Variants in ACACB observed in about 807,000 individuals in gnomAD.
ACACB encodes the protein acetyl-CoA carboxylase 2.
A neutral mutation model predicts 278.8 loss-of-function variants in ACACB; 209 were observed. The ratio of observed to expected loss-of-function variants is 0.75; its 90% confidence interval spans 0.67 to 0.84. The LOEUF (loss-of-function observed/expected upper bound fraction) is 0.84. Among genes scored for constraint, ACACB ranks in the 40% least tolerant of loss-of-function variants. ACACB has a pLI of 0.00. For missense variants in ACACB, 2,850 were observed against 3,269.0 expected (o/e 0.87, Z 3.13); for synonymous variants, 1,174 against 1,285.6 (o/e 0.91, Z 1.86).
At chr12:109,258,104 C>T (rs556386366) in intron 45 of ACACB, among the ~76,000 whole-genome samples, 164 bp from the exon 46 acceptor site, 11 of 152,314 alleles carry the variant, frequency 7.2e-5, no homozygotes, top group African/African-American at 1.7e-4. Context: ...TGCTACCTTT[C>T]GAGGCTCTTA....
At chr12:109,254,400 A>T in intron 44 of ACACB, 66 bp downstream of exon 44, 2 of 1,464,064 alleles carry the variant, frequency 1.4e-6, no homozygotes, top group Non-Finnish European at 9.1e-7. Flanking sequence ...GAGACAAAGG[A>T]GCACTTTGTC....
chr12:109,167,857 G>T, intron 3 of ACACB, 39 bp from the exon 4 acceptor site: 4 of 1,613,478 alleles, frequency 2.5e-6, no homozygotes, highest in Non-Finnish European at 3.4e-6. Flanking sequence ...AGCGCAGGTA[G>T]ATGTGCATCT....
chr12:109,240,094 C>T, intron 35 of ACACB, 109 bp downstream of exon 35: 1 of 1,290,260 alleles, frequency 7.8e-7, no homozygotes, highest in East Asian at 2.5e-5. Context: ...CAGGATGAAA[C>T]CATGCGTATC....
chr12:109,145,689 CCTT>C (rs1369304201), intron 2 of ACACB, among the ~76,000 whole-genome samples: 2 of 151,860 alleles, frequency 1.3e-5, no homozygotes, highest in East Asian at 3.9e-4. Context: ...TCCAGGAACT[CCTT>C]CTGAAAAAAA....
chr12:109,262,443 C>T lies in ACACB; in HGVS notation c.6761C>T (p.Ala2254Val). ...AAGTCCATGAGAAGGATCGATCCAG[C>T]TTACAAGAAGCTCATGGAACAGCTA... is the stretch of plus-strand genomic sequence containing the variant. Reference protein sequence around the residue: ...LIKSMRRIDPAYKKLMEQLGE... With the variant: ...LIKSMRRIDPVYKKLMEQLGE... The change falls in exon 49 of 53, where the codon GCT becomes GTT. Residue 2254 changes from alanine to valine, a missense_variant. Coordinates refer to ENST00000338432, the MANE Select transcript of ACACB (RefSeq NM_001093.4). 8 of 1,613,640 alleles carry T rather than the reference C, an allele frequency of 5.0e-6. No individual in the cohort carries two copies. The highest frequency in any genetic ancestry group is 6.8e-6 in the Non-Finnish European group (8 of 1,179,852).
At position 109,265,384 on chromosome 12, in the gene ACACB, C is replaced by A; in HGVS notation, c.7114-5C>A. ...TCTCTGAGGCATCCTCTGCCCCCTC[C>A]CCAGGCCTACTTGTGGGACAACAAC... On this transcript the variant is annotated splice_region_variant and splice_polypyrimidine_tract_variant and intron_variant, in intron 51 of 52. Transcript: ENST00000338432. The A allele has an allele frequency of 1.2e-6, 2 of 1,613,716 alleles. No individual in the cohort carries two copies.
intron 49 of ACACB, chr12:109,262,903 T>TACC (rs1196147192): frequency 7.0e-6 from 1 of 142,810 alleles, no homozygotes; most frequent in African/African-American, 2.5e-5. Context: ...AGGCATGAGC[T>TACC]ACCATGATTG....
At chr12:109,259,180 G>T in intron 47 of ACACB, 72 bp downstream of exon 47, 1 of 1,549,922 alleles carries the variant, frequency 6.5e-7, no homozygotes, top group Non-Finnish European at 8.8e-7. Context: ...TCTGGGTGGT[G>T]ATGCTAATGT....
intron 12 of ACACB, among the ~76,000 whole-genome samples, chr12:109,186,491 T>C (rs1016331): frequency 0.74 from 111,743 of 151,956 alleles, 42,325 homozygotes; most frequent in Middle Eastern, 0.88. Flanking sequence ...TGCTTTTTGC[T>C]ACAGTATGAA....
Position 109,235,364 on chromosome 12 carries a change from C to G in ACACB, c.4399C>G (p.Gln1467Glu). Reference protein sequence around the residue: ...GLRRITFLIAQEKEFPKFFTF... With the variant: ...GLRRITFLIAEEKEFPKFFTF... ...CCGACGAATCACATTCTTGATTGCC[C>G]AAGAGGTTAGTTCACAGTTCATCTC... Residue 1467 changes from glutamine to glutamate, a missense_variant, in exon 32 of 53, where the codon CAA becomes GAA. This residue lies in a region of ACACB where 2,265 missense variants were observed against 2,561.3 expected (regional missense o/e 0.88). Transcript: ENST00000338432. 2 of 1,613,852 alleles carry G rather than the reference C, an allele frequency of 1.2e-6. No homozygotes were observed. Among genetic ancestry groups the G allele is most frequent in the Non-Finnish European group, 1.7e-6 (2 of 1,179,770 alleles).
At chr12:109,136,943 C>G (rs1483170576) in intron 1 of ACACB, among the ~76,000 whole-genome samples, 2 of 152,192 alleles carry the variant, frequency 1.3e-5, no homozygotes, top group Admixed American at 6.5e-5. Flanking sequence ...AAGCTATCAG[C>G]CTTTCCCCAT....
intron 21 of ACACB, among the ~76,000 whole-genome samples, chr12:109,210,424 TGTATATAC>T (rs1432738492): frequency 2.8e-5 from 4 of 140,430 alleles, no homozygotes; most frequent in African/African-American, 5.3e-5. Flanking sequence ...TGTGTATATA[TGTATATAC>T]ACGCACATAC....
chr12:109,247,581 T>C, intron 39 of ACACB, 25 bp from the exon 40 acceptor site: 1 of 1,568,706 alleles, frequency 6.4e-7, no homozygotes, highest in South Asian at 1.1e-5. Context: ...ACTGGATTCG[T>C]AGCCTCACTA....
chr12:109,206,706 T>A lies in ACACB; in HGVS notation c.2914-4T>A, dbSNP rs775249777. 4 of 1,613,708 alleles carry A rather than the reference T, an allele frequency of 2.5e-6. No homozygotes were observed. The African/African-American group carries it at 5.3e-5, about 22-fold the overall frequency. The stretch of plus-strand genomic sequence containing the variant: ...GACCTGTCGTTCTTGTGGTGTCTCA[T>A]CAGGCTGAACCGTTCACAGGAGAAC... On this transcript the variant is annotated splice_polypyrimidine_tract_variant and splice_region_variant and intron_variant, in intron 19 of 52. Transcript: ENST00000338432.
At position 109,158,934 on chromosome 12, in the gene ACACB, C is replaced by G. The variant is rs570414083; in HGVS notation, c.654-7927C>G. Among the ~76,000 whole-genome samples the G allele has an allele frequency of 2.0e-5, 3 of 152,188 alleles. No homozygotes were observed. In the South Asian group the frequency reaches 6.2e-4, roughly 32 times the overall value. ...AGGTAGCAGTGAGCTGAGATCACAC[C>G]GCTGCACTCCAGCCTGGGCGACAGA... On this transcript the variant is annotated intron_variant, in intron 2 of 52. Coordinates refer to ENST00000338432, the MANE Select transcript of ACACB (RefSeq NM_001093.4).
chr12:109,136,912 T>C (rs1177359893), intron 1 of ACACB, among the ~76,000 whole-genome samples: 2 of 152,248 alleles, frequency 1.3e-5, no homozygotes, highest in African/African-American at 4.8e-5. Context: ...AAAGTGGGCA[T>C]CCTTGTCTTA....
intron 16 of ACACB, among the ~76,000 whole-genome samples, chr12:109,195,726 G>A (rs562427088): frequency 2.7e-4 from 41 of 149,936 alleles, no homozygotes; most frequent in Non-Finnish European, 4.8e-4. Flanking sequence ...TTATTAACAA[G>A]TTTTTTTTTT....
At chr12:109,166,630 A>ACAGAATG (rs1193816740) in intron 2 of ACACB, among the ~76,000 whole-genome samples, 4 of 126,434 alleles carry the variant, frequency 3.2e-5, no homozygotes, top group African/African-American at 1.2e-4. Context: ...AGCCTAGGTG[A>ACAGAATG]CAGAATGAGA....
rs775558414 is a variant in ACACB at position 109,233,728 on chromosome 12, C to G, written c.4140-20C>G. On this transcript the variant is annotated intron_variant, in intron 29 of 52. Transcript: ENST00000338432. Reference sequence around the variant, plus strand: ...TGGGTCAGCAGCCCCTCAGCCCTCCCTCTCTACCCGCACCCCCAGAAATTT... The same window carrying G: ...TGGGTCAGCAGCCCCTCAGCCCTCCGTCTCTACCCGCACCCCCAGAAATTT... 3 of 1,609,878 alleles carry G rather than the reference C, an allele frequency of 1.9e-6. No individual in the cohort carries two copies. The highest frequency in any genetic ancestry group is 2.5e-6 in the Non-Finnish European group (3 of 1,176,730).
Sources: gnomAD v4.1 joint callset for allele counts (sites outside exome capture counted in the v4.1 genomes callset) on GRCh38, gnomAD v4.1.1 for gene constraint, gnomAD v4.1.1 regional missense constraint, MANE v1.5 for transcripts, NCBI Gene and HGNC (gene_info 2026-07-23, HGNC 2026-07-21) for gene names.